ADAMTS9: variants seen among roughly 807,000 people sequenced by gnomAD.
The protein encoded by ADAMTS9 is A disintegrin and metalloproteinase with thrombospondin motifs 9.
ADAMTS9 carries 107 observed loss-of-function variants against 257.1 expected under a neutral mutation model. That is an observed-to-expected ratio of 0.42 (90% CI 0.36 to 0.49). ADAMTS9 has a LOEUF of 0.49. Among genes scored for constraint, ADAMTS9 ranks in the 20% least tolerant of loss-of-function variants. The probability of loss-of-function intolerance (pLI) is 0.03; values close to 1 mark genes in which losing one functional copy is unlikely to be tolerated. For missense variants in ADAMTS9, 2,353 were observed against 2,469.1 expected (o/e 0.95, Z 1.00); for synonymous variants, 982 against 880.9 (o/e 1.11, Z -2.03).
At chr3:64,625,962 A>C (rs573869402) in intron 16 of ADAMTS9, among the ~76,000 whole-genome samples, 1 of 152,306 alleles carries the variant, frequency 6.6e-6, no homozygotes, top group Admixed American at 6.5e-5. Flanking sequence ...TGGTGGCAGT[A>C]AAGTGAACTG....
At chr3:64,518,241 G>C (rs994818718) in intron 39 of ADAMTS9, among the ~76,000 whole-genome samples, 2 of 152,090 alleles carry the variant, frequency 1.3e-5, no homozygotes, top group African/African-American at 4.8e-5. Context: ...CATACTTCTT[G>C]GATATCTCAG....
intron 2 of ADAMTS9, chr3:64,685,290 T>C (rs958914724): frequency 5.9e-5 from 9 of 152,308 alleles, no homozygotes; most frequent in African/African-American, 2.2e-4. Context: ...TTGGGAACTT[T>C]AAGACCCACG....
chr3:64,686,761 T>C lies in ADAMTS9; in HGVS notation c.323A>G (p.Gln108Arg). ...AHYRLSAFGQ[Q>R]FLFNLTANAG... ...ATTGGCGGTGAGATTAAATAGAAACTGCTGGCCGAAGGCAGAGAGGCGGTA... is the reference window on the plus strand; with the variant it reads ...ATTGGCGGTGAGATTAAATAGAAACCGCTGGCCGAAGGCAGAGAGGCGGTA... Residue 108 changes from glutamine to arginine, a missense_variant, in exon 2 of 40, where the codon CAG becomes CGG. By Grantham distance (43) the Gln-to-Arg change is conservative. Transcript: ENST00000498707. This position sits in a 1 kb window ranked among gnomAD's most constrained non-coding sequence, Gnocchi z 4.6. The C allele has an allele frequency of 6.2e-7, 1 of 1,614,042 alleles. No individual in the cohort carries two copies. The highest frequency in any genetic ancestry group is 8.5e-7 in the Non-Finnish European group (1 of 1,180,006).
At chr3:64,677,963 A>G (rs556753676) in intron 3 of ADAMTS9, among the ~76,000 whole-genome samples, 2 of 152,092 alleles carry the variant, frequency 1.3e-5, no homozygotes, top group Non-Finnish European at 2.9e-5. Flanking sequence ...TTTTTAACAT[A>G]AGTTATCTCA....
chr3:64,554,460 G>C (rs6445411), intron 30 of ADAMTS9, among the ~76,000 whole-genome samples: 112,421 of 152,020 alleles, frequency 0.74, 43,655 homozygotes, highest in Admixed American at 0.86. Flanking sequence ...AAAACAAATC[G>C]AGTCCATGCT....
At chr3:64,580,774 AC>A (rs1194305015) in intron 28 of ADAMTS9, among the ~76,000 whole-genome samples, 2 of 152,078 alleles carry the variant, frequency 1.3e-5, no homozygotes, top group Admixed American at 6.6e-5. Flanking sequence ...CTGGCTAAAA[AC>A]CCTTGGGAAA....
At chr3:64,642,281 A>T in intron 11 of ADAMTS9, among the ~76,000 whole-genome samples, 1 of 152,200 alleles carries the variant, frequency 6.6e-6, no homozygotes, top group East Asian at 1.9e-4. Flanking sequence ...CAATTAGTTT[A>T]CTTGGAAAAA....
intron 26 of ADAMTS9, among the ~76,000 whole-genome samples, chr3:64,597,833 C>A (rs2084392213): frequency 6.6e-6 from 1 of 152,208 alleles, no homozygotes; most frequent in Non-Finnish European, 1.5e-5. Flanking sequence ...GTGTCCTTTA[C>A]CCCGACCCTT....
At chr3:64,679,471 TGA>T (rs1477190313) in intron 3 of ADAMTS9, among the ~76,000 whole-genome samples, 1 of 152,210 alleles carries the variant, frequency 6.6e-6, no homozygotes, top group African/African-American at 2.4e-5. Flanking sequence ...CATAGGTTTG[TGA>T]TAAGGATTAA....
At chr3:64,641,160 A>G (rs1317042751) in intron 12 of ADAMTS9, among the ~76,000 whole-genome samples, 1 of 152,032 alleles carries the variant, frequency 6.6e-6, no homozygotes, top group East Asian at 1.9e-4. Context: ...ACTAGAAGGA[A>G]TATATTAGTC....
intron 26 of ADAMTS9, among the ~76,000 whole-genome samples, chr3:64,600,830 A>G (rs2084446442): frequency 6.6e-6 from 1 of 152,212 alleles, no homozygotes; most frequent in Non-Finnish European, 1.5e-5. Flanking sequence ...AGTACGTCTA[A>G]TTTACTGAAA....
Position 64,574,296 on chromosome 3 carries a change from A to G in ADAMTS9, c.4357-5761T>C, listed in dbSNP as rs566597132. ...GGGATAAAGAACACTGGTTTCTCTC[A>G]TTTAATTCCAACAGCAGTCTGGTGG... is the stretch of plus-strand genomic sequence containing the variant. On this transcript the variant is annotated intron_variant, in intron 28 of 39. Coordinates refer to ENST00000498707, the MANE Select transcript of ADAMTS9 (RefSeq NM_182920.2). Among the ~76,000 whole-genome samples, 7 of 152,286 alleles carry G rather than the reference A, an allele frequency of 4.6e-5. No individual in the cohort carries two copies. The South Asian group carries it at 1.2e-3, about 27-fold the overall frequency.
At chr3:64,588,772 T>C (rs2084207314) in intron 28 of ADAMTS9, 1 of 152,228 alleles carries the variant, frequency 6.6e-6, no homozygotes, top group East Asian at 1.9e-4. Context: ...CAGTCTTTCA[T>C]AGGCATACAA....
At chr3:64,653,968 G>T (rs771735322) in intron 8 of ADAMTS9, among the ~76,000 whole-genome samples, 1 of 144,974 alleles carries the variant, frequency 6.9e-6, no homozygotes, top group African/African-American at 2.4e-5. Flanking sequence ...CCACAGTAAT[G>T]GTGGGGGACC....
chr3:64,557,746 A>C (rs1479091347), intron 30 of ADAMTS9, among the ~76,000 whole-genome samples: 1 of 152,248 alleles, frequency 6.6e-6, no homozygotes, highest in South Asian at 2.1e-4. Context: ...AGATGAGCTA[A>C]GTGAAGTCTA....
At chr3:64,569,720 G>A (rs1373616917) in intron 28 of ADAMTS9, among the ~76,000 whole-genome samples, 1 of 152,156 alleles carries the variant, frequency 6.6e-6, no homozygotes, top group Non-Finnish European at 1.5e-5. Context: ...TGCTCATAGA[G>A]AAATGTGAAG....
At chr3:64,530,633 T>C (rs1363902806) in intron 38 of ADAMTS9, among the ~76,000 whole-genome samples, 2 of 152,148 alleles carry the variant, frequency 1.3e-5, no homozygotes, top group Non-Finnish European at 1.5e-5. Context: ...GTAGTGATCA[T>C]TCTTTCCATA....
At position 64,608,173 on chromosome 3, in the gene ADAMTS9, G is replaced by GA. The variant is rs61494743; in HGVS notation, c.3355-1095dup. ...AGTTGCAAACACCTACACTAATAAA[G>GA]AAAAAAAAAAAATGAAGAAAGATCT... On this transcript the variant is annotated intron_variant, in intron 22 of 39. Transcript: ENST00000498707. 4.6e-4 allele frequency among the ~76,000 whole-genome samples: 41 copies of GA among 88,924 alleles called. 1 individual carries two copies. Among genetic ancestry groups the GA allele is most frequent in the Non-Finnish European group, 6.4e-4 (22 of 34,346 alleles). The allele number at this position is 88,924 out of a possible 152,430, so 58.3% of individuals were successfully genotyped here. A position where few individuals can be genotyped will look rare whatever the true frequency, so the allele number is the denominator to read the frequency against.
At position 64,541,952 on chromosome 3, in the gene ADAMTS9, C is replaced by G; in HGVS notation, c.5083G>C (p.Val1695Leu). Residue 1695 changes from valine (V) to leucine (L), a missense_variant, in exon 33 of 40, where the codon GTT (valine) becomes CTT (leucine). Coordinates refer to ENST00000498707, the MANE Select transcript of ADAMTS9 (RefSeq NM_182920.2). ...TGCACAGATCTCTGCATCACTCCAA[C>G]ACCACAAGACACTGAGCACTGTAAG... ...NWGSCSVSCG[V>L]GVMQRSVQCL... 6.2e-7 allele frequency: 1 copy of G among 1,614,106 alleles called. No individual in the cohort carries two copies. The highest frequency in any genetic ancestry group is 8.5e-7 in the Non-Finnish European group (1 of 1,179,990).
Sources: allele counts gnomAD v4.1 joint callset (sites outside exome capture counted in the v4.1 genomes callset), GRCh38; gene constraint gnomAD v4.1.1; non-coding constraint Gnocchi (gnomAD v3.1); transcripts MANE v1.5; gene names NCBI Gene and HGNC (gene_info 2026-07-23, HGNC 2026-07-21).